BDNF: variants seen among roughly 807,000 people sequenced by gnomAD.
BDNF encodes neurotrophic factor BDNF precursor form.
In BDNF, 1 loss-of-function variant was observed where a neutral mutation model predicts 19.5. The observed-to-expected ratio is 0.05, with a 90% CI of 0.02 to 0.24. BDNF has a LOEUF of 0.24. Among genes scored for constraint, BDNF ranks in the 10% least tolerant of loss-of-function variants. BDNF has a pLI of 1.00. For missense variants in BDNF, 195 were observed against 317.6 expected (o/e 0.61, Z 2.93); for synonymous variants, 100 against 121.6 (o/e 0.82, Z 1.17).
chr11:27,671,083 C>T (rs1287415456), intron 1 of BDNF, among the ~76,000 whole-genome samples: 2 of 152,068 alleles, frequency 1.3e-5, no homozygotes, highest in African/African-American at 2.4e-5. Flanking sequence ...CGCATGTTCT[C>T]ACTCATAGGT....
intron 1 of BDNF, chr11:27,675,441 T>G (rs1164540297): frequency 6.6e-6 from 1 of 152,156 alleles, no homozygotes; most frequent in Non-Finnish European, 1.5e-5. Context: ...CAGAACCACA[T>G]GCTCTTCAGA....
Position 27,658,473 on chromosome 11 carries a change from C to A in BDNF, c.92G>T (p.Gly31Val), listed in dbSNP as rs767681787. ...MKEANIRGQGGLAYPGVRTHG... is the reference protein window; with the variant it reads ...MKEANIRGQGVLAYPGVRTHG... ...GGTCCGCACACCTGGGTAGGCCAAGCCACCTTGTCCTCGGATGTTTGCTTC... is the reference window on the plus strand; with the variant it reads ...GGTCCGCACACCTGGGTAGGCCAAGACACCTTGTCCTCGGATGTTTGCTTC... The change falls in exon 2 of 2, where the codon GGC (glycine) becomes GTC (valine). Residue 31 changes from glycine to valine, a missense_variant. By Grantham distance (109) the Gly-to-Val change is moderately radical. Transcript: ENST00000356660. The surrounding 1 kb of genome is among the most constrained non-coding windows in gnomAD (Gnocchi z 5.7). 3.7e-6 allele frequency: 6 copies of A among 1,614,052 alleles called. No homozygotes were observed. Among genetic ancestry groups the A allele is most frequent in the Non-Finnish European group, 5.1e-6 (6 of 1,180,032 alleles).
chr11:27,676,896 T>C (rs1856192764), intron 1 of BDNF: 1 of 152,242 alleles, frequency 6.6e-6, no homozygotes, highest in South Asian at 2.1e-4. Flanking sequence ...ATTTTCTTTT[T>C]GGTTCTAAAA....
intron 1 of BDNF, chr11:27,674,449 A>C (rs1338534690): frequency 3.1e-5 from 44 of 1,430,464 alleles, no homozygotes; most frequent in Non-Finnish European, 3.7e-5. Flanking sequence ...AGCTCTTCTG[A>C]AGTGTCACGG....
chr11:27,719,564 G>C (rs1324298617), intron 1 of BDNF: 2 of 985,056 alleles, frequency 2.0e-6, no homozygotes, highest in African/African-American at 3.5e-5. Flanking sequence ...GGTCTCGGCA[G>C]CTCCCCTTCC....
chr11:27,675,174 C>T (rs1249320828), intron 1 of BDNF: 1 of 152,488 alleles, frequency 6.6e-6, no homozygotes, highest in African/African-American at 2.4e-5. Flanking sequence ...CCCTATATGC[C>T]AGTTTCTTAT....
chr11:27,719,289 G>T (rs903025477), intron 1 of BDNF, among the ~76,000 whole-genome samples: 1 of 152,178 alleles, frequency 6.6e-6, no homozygotes, highest in South Asian at 2.1e-4. Flanking sequence ...GCCCTCCACC[G>T]GCGCCTCCGG....
chr11:27,659,660 T>C (rs3045286), intron 1 of BDNF: 48 of 583,440 alleles, frequency 8.2e-5, no homozygotes, highest in East Asian at 1.5e-4. Context: ...CGCGCGCGCG[T>C]GTGCGCGCGC....
At chr11:27,711,935 A>G (rs990118282) in intron 1 of BDNF, among the ~76,000 whole-genome samples, 2 of 152,150 alleles carry the variant, frequency 1.3e-5, no homozygotes, top group Non-Finnish European at 2.9e-5. Flanking sequence ...ATCTTTTTCA[A>G]TGGAGTGATG....
chr11:27,684,908 A>C (rs565595189), intron 1 of BDNF, among the ~76,000 whole-genome samples: 69 of 151,924 alleles, frequency 4.5e-4, no homozygotes, highest in Non-Finnish European at 8.1e-4. Context: ...ATGATGCCGG[A>C]CTCATAAAAT....
chr11:27,716,440 T>TAC (rs895793513), intron 1 of BDNF, among the ~76,000 whole-genome samples: 28 of 86,566 alleles, frequency 3.2e-4, no homozygotes, highest in Non-Finnish European at 5.4e-4. Context: ...CACACGCCCA[T>TAC]ACACACACAC....
chr11:27,658,298 C>T lies in BDNF; in HGVS notation c.267G>A (p.Leu89=). 2.5e-6 allele frequency: 4 copies of T among 1,614,148 alleles called. No homozygotes were observed. The highest frequency in any genetic ancestry group is 3.4e-6 in the Non-Finnish European group (4 of 1,180,036). Residue 89 remains leucine, a synonymous_variant, in exon 2 of 2, where the codon TTG becomes TTA. Coordinates refer to ENST00000356660, the MANE Select transcript of BDNF (RefSeq NM_001709.5). The surrounding 1 kb of genome is among the most constrained non-coding windows in gnomAD (Gnocchi z 5.7). ...TACTGAGCATCACCCTGGACGTGTA[C>T]AAGTCTGCGTCCTTATTGTTTTCTT... The part of the protein sequence containing the change: ...PNEENNKDAD[L]YTSRVMLSSQ...
In BDNF at chr11:27,720,748, T is replaced by TA. The variant is rs1226852923; in HGVS notation, c.3+663dup. 5 of 986,002 alleles carry TA rather than the reference T, an allele frequency of 5.1e-6. No homozygotes were observed. The African/African-American group carries it at 7.0e-5, about 14-fold the overall frequency. 61.1% of individuals were successfully genotyped at this position (986,002 alleles called of 1,614,324 possible). A position where few individuals can be genotyped will look rare whatever the true frequency, so the allele number is the denominator to read the frequency against. On this transcript the variant is annotated intron_variant, in intron 1 of 1. Transcript: ENST00000314915. ...CCCGGCACAGCAGGAGGAAAAGGCT[T>TA]AAAAATCTCTAATTAAGTGATACTT...
intron 1 of BDNF, among the ~76,000 whole-genome samples, chr11:27,673,246 T>C (rs1490676543): frequency 2.2e-5 from 2 of 90,220 alleles, no homozygotes; most frequent in East Asian, 5.5e-4. Flanking sequence ...GCATGCTGTG[T>C]ACAAAAAAAA....
In BDNF at chr11:27,659,721, G is replaced by C. The variant is rs1019313105; in HGVS notation, c.-21-1136C>G. On this transcript the variant is annotated intron_variant, in intron 1 of 1. Transcript: ENST00000356660. ...GCTGAGTGGTGTTTTACACATTTTG[G>C]AATAGGCAGCTAGTGCTTCTTTTTC... 18 of 970,162 alleles carry C rather than the reference G, an allele frequency of 1.9e-5. No individual in the cohort carries two copies. In the Admixed American group the frequency reaches 9.9e-4, roughly 53 times the overall value. The allele number at this position is 970,162 out of a possible 1,614,324, so 60.1% of individuals were successfully genotyped here.
chr11:27,685,540 C>T (rs1857373578), intron 1 of BDNF, among the ~76,000 whole-genome samples: 1 of 152,164 alleles, frequency 6.6e-6, no homozygotes, highest in African/African-American at 2.4e-5. Context: ...GCATTTATTG[C>T]TATGAATTTC....
intron 1 of BDNF, among the ~76,000 whole-genome samples, chr11:27,697,164 CAGAG>C (rs72348822): frequency 0.17 from 22,016 of 132,988 alleles, 2,011 homozygotes; most frequent in Non-Finnish European, 0.22. Context: ...CACACACACA[CAGAG>C]AGAGAGAGAG....
At chr11:27,700,957 G>A (rs1461605317), upstream of BDNF, 3 of 1,357,756 alleles carry the variant, frequency 2.2e-6, no homozygotes, top group African/African-American at 1.5e-5. Flanking sequence ...GCGTTTCCCG[G>A]GCCACAGACA....
intron 1 of BDNF, among the ~76,000 whole-genome samples, chr11:27,687,140 C>T (rs1564974917): frequency 6.6e-6 from 1 of 152,132 alleles, no homozygotes; most frequent in African/African-American, 2.4e-5. Flanking sequence ...TGTCTTCATG[C>T]TTTATTTCAT....
Sources: gnomAD v4.1 joint callset for allele counts (sites outside exome capture counted in the v4.1 genomes callset) on GRCh38, gnomAD v4.1.1 for gene constraint, Gnocchi (gnomAD v3.1) non-coding constraint, MANE v1.5 for transcripts, NCBI Gene and HGNC (gene_info 2026-07-23, HGNC 2026-07-21) for gene names.